The following GCN1 variants were observed in gnomAD, a reference collection of about 807,000 sequenced individuals.
GCN1 encodes the protein GCN1 activator of EIF2AK4, also known as stalled ribosome sensor GCN1.
GCN1 carries 90 observed loss-of-function variants against 288.4 expected under a neutral mutation model. That is an observed-to-expected ratio of 0.31 (90% CI 0.26 to 0.37). The LOEUF (loss-of-function observed/expected upper bound fraction) is 0.37. Among genes scored for constraint, GCN1 ranks in the 10% least tolerant of loss-of-function variants. The pLI, the probability that GCN1 is intolerant of heterozygous loss-of-function variation, is 1.00. For missense variants in GCN1, 2,586 were observed against 3,419.9 expected (o/e 0.76, Z 6.08); for synonymous variants, 1,386 against 1,420.2 (o/e 0.98, Z 0.54).
At position 120,162,072 on chromosome 12, in the gene GCN1, G is replaced by A. The variant is rs376383865; in HGVS notation, c.2164-14C>T. On this transcript the variant is annotated splice_polypyrimidine_tract_variant and intron_variant, in intron 20 of 57. Transcript: ENST00000300648. ...ATTCATGGAGGACTGCCAGACAAAC[G>A]CAGACATGGTCAGTGTGTGCCAAGG... 7.6e-5 allele frequency: 122 copies of A among 1,609,766 alleles called. No individual in the cohort carries two copies. Among genetic ancestry groups the A allele is most frequent in the African/African-American group, 2.5e-4 (19 of 74,884 alleles).
intron 22 of GCN1, 59 bp from the exon 23 acceptor site, chr12:120,160,314 A>C: frequency 9.4e-6 from 11 of 1,174,870 alleles, no homozygotes; most frequent in Non-Finnish European, 1.4e-5. Flanking sequence ...TCCCTCCCCA[A>C]CAGAGGAAGG....
chr12:120,135,287 CCT>C (rs941562833), intron 51 of GCN1, among the ~76,000 whole-genome samples: 6 of 152,304 alleles, frequency 3.9e-5, no homozygotes, highest in East Asian at 1.9e-4. Context: ...CAGTTCAACC[CCT>C]GACTATACAG....
intron 4 of GCN1, 75 bp from the exon 5 acceptor site, chr12:120,183,752 G>T (rs1294755473): frequency 1.2e-6 from 1 of 852,504 alleles, no homozygotes; most frequent in Non-Finnish European, 2.0e-6. Context: ...CTAAGGCCCC[G>T]CCTGGTAATG....
rs759093701 is a variant in GCN1 at position 120,153,803 on chromosome 12, G to A, written c.3808C>T (p.Pro1270Ser). 1.2e-6 allele frequency: 2 copies of A among 1,614,098 alleles called. No individual in the cohort carries two copies. The highest frequency in any genetic ancestry group is 1.1e-5 in the South Asian group (1 of 91,082). The change falls in exon 32 of 58, where the codon CCA becomes TCA. Residue 1270 changes from proline to serine, a missense_variant. Physicochemically the swap from Pro to Ser is moderately conservative, Grantham distance 74 (BLOSUM62 -1). Transcript: ENST00000300648. This position sits in a 1 kb window ranked among gnomAD's most constrained non-coding sequence, Gnocchi z 4.4. ...TCCAACATGCACTTCCGGACATCTG[G>A]GTGTCGGTCATTGAGGGCATCAGGG... ...FVPDALNDRH[P>S]DVRKCMLDAA...
In GCN1 at chr12:120,155,750, C is replaced by T; in HGVS notation, c.3313-31G>A. Reference sequence around the variant, plus strand: ...AGGGGTGGGATTGGACCGTGTGAGGCATCATCTTTCAGAAGAGCCTCTGAC... The same window carrying T: ...AGGGGTGGGATTGGACCGTGTGAGGTATCATCTTTCAGAAGAGCCTCTGAC... On this transcript the variant is annotated intron_variant, in intron 28 of 57. Transcript: ENST00000300648. The surrounding 1 kb of genome is among the most constrained non-coding windows in gnomAD (Gnocchi z 4.9). 4 of 1,612,506 alleles carry T rather than the reference C, an allele frequency of 2.5e-6. No individual in the cohort carries two copies. Among genetic ancestry groups the T allele is most frequent in the Non-Finnish European group, 3.4e-6 (4 of 1,179,290 alleles).
At chr12:120,128,510 AT>A (rs760353180) in intron 57 of GCN1, among the ~76,000 whole-genome samples, 10 of 151,174 alleles carry the variant, frequency 6.6e-5, no homozygotes, top group Non-Finnish European at 5.9e-5. Flanking sequence ...CTAATTTTGT[AT>A]TTTTAGTAGA....
intron 50 of GCN1, 64 bp from the exon 51 acceptor site, chr12:120,136,796 C>G (rs1877018676): frequency 8.2e-7 from 1 of 1,216,240 alleles, no homozygotes; most frequent in Non-Finnish European, 1.2e-6. Flanking sequence ...GTCTCCCATG[C>G]AAGCAAAGTG....
intron 1 of GCN1, among the ~76,000 whole-genome samples, chr12:120,191,263 C>T (rs377212728): frequency 6.6e-6 from 1 of 152,312 alleles, no homozygotes; most frequent in South Asian, 2.1e-4. Flanking sequence ...AACTTTGAAA[C>T]CAAACAGGTC....
At chr12:120,128,240 T>A (rs1876681740) in intron 57 of GCN1, among the ~76,000 whole-genome samples, 1 of 152,220 alleles carries the variant, frequency 6.6e-6, no homozygotes, top group Non-Finnish European at 1.5e-5. Context: ...TCCTCCCACC[T>A]TGGCTTCCCA....
rs750380247 is a variant in GCN1, at chr12:120,150,057, A to G, written c.4310-14T>C. On this transcript the variant is annotated splice_polypyrimidine_tract_variant and intron_variant, in intron 34 of 57. Transcript: ENST00000300648. ...CAAAGAGGGCTCCTAGGGGAAAAGA[A>G]GGTGGGACGGCTGGGAAGAGAATGT... The G allele has an allele frequency of 2.9e-5, 47 of 1,613,350 alleles. No homozygotes were observed. Among genetic ancestry groups the G allele is most frequent in the Middle Eastern group, 1.7e-4 (1 of 5,826 alleles).
In GCN1 at chr12:120,136,559, C is replaced by T. The variant is rs1594260038; in HGVS notation, c.6951G>A (p.Arg2317=). 3.1e-6 allele frequency: 5 copies of T among 1,614,114 alleles called. No homozygotes were observed. The highest frequency in any genetic ancestry group is 1.3e-5 in the African/African-American group (1 of 74,950). The change falls in exon 51 of 58, where the codon AGG becomes AGA. Residue 2317 remains arginine, a synonymous_variant. Transcript: ENST00000300648. ...TGPLIRILGD[R]FSWNVKAALL... Reference sequence around the variant, plus strand: ...GAGCCGCCTTCACATTCCAGCTGAACCTGTCCCCCAGGATGCGGATCAGAG... The same window carrying T: ...GAGCCGCCTTCACATTCCAGCTGAATCTGTCCCCCAGGATGCGGATCAGAG...
chr12:120,144,902 C>A lies in GCN1; in HGVS notation c.5155+21G>T. 1 of 1,614,162 alleles carries A rather than the reference C, an allele frequency of 6.2e-7. No individual in the cohort carries two copies. Among genetic ancestry groups the A allele is most frequent in the South Asian group, 1.1e-5 (1 of 91,088 alleles). On this transcript the variant is annotated intron_variant, in intron 40 of 57. Transcript: ENST00000300648. This position sits in a 1 kb window ranked among gnomAD's most constrained non-coding sequence, Gnocchi z 4.7. Reference sequence around the variant, plus strand: ...CCTTAGAGCATTCCCAGGCTGGCCACTGGACCTGCTCTGGCCTTACCCTGT... The same window carrying A: ...CCTTAGAGCATTCCCAGGCTGGCCAATGGACCTGCTCTGGCCTTACCCTGT...
In GCN1 at chr12:120,153,455, A is replaced by C. The variant is rs758999216; in HGVS notation, c.3868-48T>G. 6 of 1,519,076 alleles carry C rather than the reference A, an allele frequency of 3.9e-6. No individual in the cohort carries two copies. The Admixed American group carries it at 1.0e-4, about 26-fold the overall frequency. The allele number at this position is 1,519,076 out of a possible 1,614,324, so 94.1% of individuals were successfully genotyped here. The stretch of plus-strand genomic sequence containing the variant: ...GCCTCAGGTCAACCCTACAGGCTGC[A>C]TCTGGGGACAACAGTCCCTGCCCTG... On this transcript the variant is annotated intron_variant, in intron 32 of 57. Transcript: ENST00000300648. The surrounding 1 kb of genome is among the most constrained non-coding windows in gnomAD (Gnocchi z 4.4).
chr12:120,158,612 G>A lies in GCN1; in HGVS notation c.2753C>T (p.Thr918Ile). Residue 918 changes from threonine to isoleucine, a missense_variant, in exon 25 of 58, where the codon ACT becomes ATT. Thr to Ile is a moderately conservative substitution (Grantham distance 89, BLOSUM62 -1). This residue lies in a region of GCN1 where 153 missense variants were observed against 252.0 expected (regional missense o/e 0.61). Transcript: ENST00000300648. The surrounding 1 kb of genome is among the most constrained non-coding windows in gnomAD (Gnocchi z 4.3). ...GCGCAGGGTCACGTGGCTCACCAAA[G>A]TGCCTGTGTTGAAGAGGAGAGACCC... ...VMPSRLKALG[T>I]LVSHVTLRLL... 5 of 1,604,172 alleles carry A rather than the reference G, an allele frequency of 3.1e-6. No individual in the cohort carries two copies. The highest frequency in any genetic ancestry group is 4.3e-6 in the Non-Finnish European group (5 of 1,175,078).
chr12:120,160,784 C>T (rs2139114250), intron 22 of GCN1, among the ~76,000 whole-genome samples: 1 of 152,248 alleles, frequency 6.6e-6, no homozygotes, highest in South Asian at 2.1e-4. Flanking sequence ...AGATAAAGTC[C>T]CTGCCCTCAC....
At chr12:120,188,541 T>G (rs1878902553) in intron 2 of GCN1, among the ~76,000 whole-genome samples, 1 of 151,734 alleles carries the variant, frequency 6.6e-6, no homozygotes, top group Non-Finnish European at 1.5e-5. Context: ...GAACACAGAT[T>G]GGGAAAAATG....
intron 45 of GCN1, 119 bp downstream of exon 45, chr12:120,140,740 C>G (rs1877161008): frequency 1.1e-6 from 1 of 902,674 alleles, no homozygotes; most frequent in Non-Finnish European, 1.7e-6. Context: ...GTGAGACTGG[C>G]TCATCCCTGA....
At position 120,160,033 on chromosome 12, in the gene GCN1, G is replaced by C. The variant is rs1255089759; in HGVS notation, c.2551-10C>G. ...CCAGCTCCCCATCCAGCTGCAAGCA[G>C]AGTTGTCCAGAAGGCAGGTCAGCAG... On this transcript the variant is annotated splice_polypyrimidine_tract_variant and intron_variant, in intron 23 of 57. Transcript: ENST00000300648. 2 of 1,613,592 alleles carry C rather than the reference G, an allele frequency of 1.2e-6. No homozygotes were observed. The highest frequency in any genetic ancestry group is 1.3e-5 in the African/African-American group (1 of 75,050).
At chr12:120,184,765 C>T in intron 3 of GCN1, 59 bp downstream of exon 3, 3 of 1,264,486 alleles carry the variant, frequency 2.4e-6, no homozygotes, top group Non-Finnish European at 3.5e-6. Context: ...CTAACCACTA[C>T]TCTAAATCCC....
Sources: allele counts gnomAD v4.1 joint callset (sites outside exome capture counted in the v4.1 genomes callset), GRCh38; gene constraint gnomAD v4.1.1; regional missense constraint gnomAD v4.1.1; non-coding constraint Gnocchi (gnomAD v3.1); transcripts MANE v1.5; gene names NCBI Gene and HGNC (gene_info 2026-07-23, HGNC 2026-07-21).